Variants in ANKRD17 observed in about 807,000 individuals in gnomAD.
ANKRD17 encodes ankyrin repeat domain-containing protein 17.
A neutral mutation model predicts 229.7 loss-of-function variants in ANKRD17; 19 were observed. The observed-to-expected ratio is 0.08, with a 90% CI of 0.06 to 0.12. The LOEUF is 0.12. Ranked by LOEUF, ANKRD17 falls within the 10% of genes least tolerant of loss-of-function variation. The pLI, the probability that ANKRD17 is intolerant of heterozygous loss-of-function variation, is 1.00. For synonymous variants in ANKRD17, 1,112 were observed against 1,146.1 expected, an observed-to-expected ratio of 0.97 and a Z score of 0.60; for missense variants, 2,176 against 3,176.8, an observed-to-expected ratio of 0.68 and a Z score of 7.57.
intron 1 of ANKRD17, among the ~76,000 whole-genome samples, 167 bp downstream of exon 1, chr4:73,258,099 CTCCCCCACAT>C (rs1745636342): frequency 6.6e-6 from 1 of 152,032 alleles, no homozygotes; most frequent in Admixed American, 6.5e-5. Flanking sequence ...GTCAGCTACC[CTCCCCCACAT>C]TCCCACACCT....
At chr4:73,245,052 G>A (rs1744370321) in intron 1 of ANKRD17, among the ~76,000 whole-genome samples, 1 of 152,098 alleles carries the variant, frequency 6.6e-6, no homozygotes, top group African/African-American at 2.4e-5. Context: ...CTTTCTCAGT[G>A]GCAAACTCCG....
At chr4:73,135,373 G>C (rs1469153906) in intron 15 of ANKRD17, 108 bp from the exon 16 acceptor site, 1 of 1,097,280 alleles carries the variant, frequency 9.1e-7, no homozygotes. Context: ...TATGTCTACA[G>C]GAAGACTACT....
At chr4:73,124,800 T>C (rs367921663) in intron 18 of ANKRD17, 113 bp downstream of exon 18, 142 of 1,299,524 alleles carry the variant, frequency 1.1e-4, no homozygotes, top group Non-Finnish European at 1.4e-4. Flanking sequence ...GTTTCAGTTA[T>C]TGTGAGAAAT....
chr4:73,153,151 G>A (rs1015730198), intron 6 of ANKRD17, among the ~76,000 whole-genome samples: 57 of 152,080 alleles, frequency 3.7e-4, no homozygotes, highest in African/African-American at 1.3e-3. Context: ...CTGAGAATGA[G>A]TGCCTCCTTA....
chr4:73,233,379 A>G (rs1743238095), intron 1 of ANKRD17, among the ~76,000 whole-genome samples: 2 of 152,164 alleles, frequency 1.3e-5, no homozygotes, highest in Non-Finnish European at 2.9e-5. Flanking sequence ...AATTAAGCCC[A>G]TTTTATACAT....
At chr4:73,080,481 T>C (rs1395490121) in intron 30 of ANKRD17, among the ~76,000 whole-genome samples, 1 of 152,226 alleles carries the variant, frequency 6.6e-6, no homozygotes, top group Non-Finnish European at 1.5e-5. Context: ...CAATTATACA[T>C]GCAGTAGAAA....
chr4:73,173,003 A>C (rs1309093084), intron 2 of ANKRD17, among the ~76,000 whole-genome samples: 1 of 152,218 alleles, frequency 6.6e-6, no homozygotes, highest in African/African-American at 2.4e-5. Context: ...GACTACAACC[A>C]AAACACATGC....
intron 1 of ANKRD17, among the ~76,000 whole-genome samples, chr4:73,197,583 A>G (rs1426460693): frequency 6.6e-6 from 1 of 152,226 alleles, no homozygotes; most frequent in Non-Finnish European, 1.5e-5. Context: ...TAATCCCTGC[A>G]CTTTGGGAAG....
chr4:73,147,083 AGTAAG>A (rs1384769055), intron 9 of ANKRD17, among the ~76,000 whole-genome samples, 153 bp downstream of exon 9: 4 of 152,244 alleles, frequency 2.6e-5, no homozygotes, highest in Non-Finnish European at 4.4e-5. Flanking sequence ...TTCAAACAGC[AGTAAG>A]GTAAACTGTT....
chr4:73,125,452 T>C (rs2148722132), intron 16 of ANKRD17, 140 bp from the exon 17 acceptor site: 1 of 682,134 alleles, frequency 1.5e-6, no homozygotes, highest in Non-Finnish European at 2.4e-6. Context: ...GCAAGGTTTA[T>C]GGACGGGCGT....
intron 18 of ANKRD17, among the ~76,000 whole-genome samples, chr4:73,124,287 T>TAAAAAAAA (rs1727141804): frequency 4.1e-5 from 1 of 24,288 alleles, no homozygotes; most frequent in Non-Finnish European, 7.2e-5. Context: ...GGACTGAATT[T>TAAAAAAAA]GAAAAAAAAA....
intron 16 of ANKRD17, among the ~76,000 whole-genome samples, chr4:73,133,090 A>C (rs1020017074): frequency 1.3e-5 from 2 of 151,986 alleles, no homozygotes; most frequent in Non-Finnish European, 2.9e-5. Context: ...TCTACTAAAA[A>C]TACAAAAAAA....
chr4:73,121,946 C>T (rs1485800704), intron 18 of ANKRD17, among the ~76,000 whole-genome samples, 187 bp from the exon 19 acceptor site: 1 of 152,092 alleles, frequency 6.6e-6, no homozygotes, highest in Non-Finnish European at 1.5e-5. Flanking sequence ...GAGATACCTT[C>T]TCAAGTAAAA....
At chr4:73,249,096 CAT>C (rs1212369588) in intron 1 of ANKRD17, among the ~76,000 whole-genome samples, 31 of 152,144 alleles carry the variant, frequency 2.0e-4, no homozygotes, top group Non-Finnish European at 4.4e-5. Context: ...TCTATGGTAA[CAT>C]ATATTTATTC....
chr4:73,098,733 A>G, intron 25 of ANKRD17: 1 of 954,160 alleles, frequency 1.0e-6, no homozygotes, highest in Non-Finnish European at 1.7e-6. Context: ...GTTATAAAAA[A>G]TATTTTGGGG....
intron 16 of ANKRD17, among the ~76,000 whole-genome samples, chr4:73,128,057 G>A (rs574684618): frequency 2.6e-5 from 4 of 152,188 alleles, no homozygotes; most frequent in Admixed American, 6.5e-5. Context: ...TACAACAATG[G>A]AGAAGGACAT....
chr4:73,097,963 A>T, intron 26 of ANKRD17, 110 bp downstream of exon 26: 1 of 995,970 alleles, frequency 1.0e-6, no homozygotes, highest in East Asian at 2.5e-5. Flanking sequence ...TTTAGCACAA[A>T]GAAAAATCCT....
chr4:73,098,387 C>T lies in ANKRD17; in HGVS notation c.4707G>A (p.Arg1569=). ...GAGTAATTTTATTTTTCCTGTTTTT[C>T]CTCTTTGAACTGGTTGTAGTTATGG... ...NNTITTTSSK[R]KNRKNKITPE... is the part of the protein sequence containing the mutation. Residue 1569 remains arginine (R), a synonymous_variant, in exon 26 of 34, where the codon AGG becomes AGA. Coordinates refer to ENST00000358602, the MANE Select transcript of ANKRD17 (RefSeq NM_032217.5). The T allele has an allele frequency of 6.2e-7, 1 of 1,614,126 alleles. No homozygotes were observed. Among genetic ancestry groups the T allele is most frequent in the Non-Finnish European group, 8.5e-7 (1 of 1,180,014 alleles).
At position 73,258,308 on chromosome 4, in the gene ANKRD17, C is replaced by G. The variant is rs1253607840; in HGVS notation, c.361G>C (p.Asp121His). Residue 121 changes from aspartate to histidine, a missense_variant, in exon 1 of 34, where the codon GAC becomes CAC. Asp to His is a moderately conservative substitution (Grantham distance 81, BLOSUM62 -1). Transcript: ENST00000358602. Reference sequence around the variant, plus strand: ...ACCTCCTCTTCCTCGTCGTCGTCGTCCTCTTCTTCCTCGCTGTTGTTACTG... The same window carrying G: ...ACCTCCTCTTCCTCGTCGTCGTCGTGCTCTTCTTCCTCGCTGTTGTTACTG... ...TSSNNSEEEE[D>H]DDDEEEEVSE... is the part of the protein sequence containing the mutation. 1 of 1,613,834 alleles carries G rather than the reference C, an allele frequency of 6.2e-7. No homozygotes were observed. The highest frequency in any genetic ancestry group is 1.1e-5 in the South Asian group (1 of 91,084).
Sources: gnomAD v4.1 joint callset for allele counts (sites outside exome capture counted in the v4.1 genomes callset) on GRCh38, gnomAD v4.1.1 for gene constraint, MANE v1.5 for transcripts, NCBI Gene and HGNC (gene_info 2026-07-23, HGNC 2026-07-21) for gene names.